STK32B: variants seen among roughly 807,000 people sequenced by gnomAD.
The protein encoded by STK32B is serine/threonine kinase 32B.
In STK32B, 43 loss-of-function variants were observed where a neutral mutation model predicts 52.6. The ratio of observed to expected loss-of-function variants is 0.82; its 90% confidence interval spans 0.64 to 1.05. The LOEUF is 1.05. Among genes scored for constraint, STK32B ranks in the 50% least tolerant of loss-of-function variants. The pLI, the probability that STK32B is intolerant of heterozygous loss-of-function variation, is 0.00. For synonymous variants in STK32B, 238 were observed against 204.3 expected (o/e 1.17, Z -1.41); for missense variants, 621 against 534.6 (o/e 1.16, Z -1.59).
At chr4:5,325,343 C>A (rs1199489804) in intron 3 of STK32B, among the ~76,000 whole-genome samples, 4 of 151,676 alleles carry the variant, frequency 2.6e-5, no homozygotes, top group Non-Finnish European at 5.9e-5. Context: ...TTTTTTTCCA[C>A]ATCAGCTCTG....
At chr4:5,162,570 A>G (rs574330042) in intron 2 of STK32B, among the ~76,000 whole-genome samples, 84 of 152,288 alleles carry the variant, frequency 5.5e-4, no homozygotes, top group African/African-American at 2.0e-3. Context: ...GCTAGCTAGC[A>G]TTTATTTATT....
the STK32B span, among the ~76,000 whole-genome samples, chr4:5,022,848 A>G: frequency 6.6e-6 from 1 of 152,124 alleles, no homozygotes; most frequent in Non-Finnish European, 1.5e-5. Flanking sequence ...CTCGGAGGAG[A>G]TTGATGAGGG....
intron 3 of STK32B, among the ~76,000 whole-genome samples, chr4:5,175,828 C>T (rs1041822990): frequency 1.3e-5 from 2 of 152,252 alleles, no homozygotes; most frequent in African/African-American, 4.8e-5. Flanking sequence ...CTGTTCAAAG[C>T]TGTCAGACAG....
intron 3 of STK32B, among the ~76,000 whole-genome samples, chr4:5,168,723 G>A (rs759998270): frequency 6.1e-4 from 93 of 152,324 alleles, no homozygotes; most frequent in African/African-American, 7.5e-4. Context: ...TACGTGGAAC[G>A]TTATAAGAGA....
At chr4:5,336,662 T>C (rs987183621) in intron 4 of STK32B, among the ~76,000 whole-genome samples, 1 of 152,184 alleles carries the variant, frequency 6.6e-6, no homozygotes, top group Admixed American at 6.5e-5. Context: ...AAAGTCTTTA[T>C]ACTTTTCTGT....
chr4:5,174,125 C>G (rs1006700927), intron 3 of STK32B, among the ~76,000 whole-genome samples: 1 of 152,054 alleles, frequency 6.6e-6, no homozygotes, highest in South Asian at 2.1e-4. Flanking sequence ...GATTGCAACC[C>G]CTGCCTTTTT....
At chr4:5,352,204 A>G (rs537871629) in intron 4 of STK32B, among the ~76,000 whole-genome samples, 2 of 152,280 alleles carry the variant, frequency 1.3e-5, no homozygotes, top group South Asian at 2.1e-4. Context: ...TCAAGAAAAT[A>G]CTTGCAAACC....
At chr4:5,493,311 G>A (rs1210263042) in intron 11 of STK32B, among the ~76,000 whole-genome samples, 1 of 152,012 alleles carries the variant, frequency 6.6e-6, no homozygotes, top group Non-Finnish European at 1.5e-5. Context: ...GTCTTGGGAG[G>A]GTGTATGTGT....
chr4:5,093,943 G>A (rs1251257337), intron 1 of STK32B, among the ~76,000 whole-genome samples: 1 of 152,190 alleles, frequency 6.6e-6, no homozygotes, highest in South Asian at 2.1e-4. Context: ...AAGTTGAATT[G>A]CTTGATATAT....
At chr4:5,312,882 G>GT (rs1730400742) in intron 3 of STK32B, among the ~76,000 whole-genome samples, 1 of 151,974 alleles carries the variant, frequency 6.6e-6, no homozygotes, top group South Asian at 2.1e-4. Flanking sequence ...ACAATGGATG[G>GT]TTGAACTAGT....
At chr4:5,330,055 C>T (rs985008957) in intron 3 of STK32B, among the ~76,000 whole-genome samples, 2 of 152,166 alleles carry the variant, frequency 1.3e-5, no homozygotes, top group African/African-American at 4.8e-5. Flanking sequence ...CAGGACACTG[C>T]AGCGAGTGAG....
chr4:5,364,096 C>CT (rs1366864640), intron 4 of STK32B, among the ~76,000 whole-genome samples: 1 of 151,134 alleles, frequency 6.6e-6, no homozygotes, highest in African/African-American at 2.5e-5. Context: ...ACTGACCCCC[C>CT]CCACTGTCCA....
the STK32B span, among the ~76,000 whole-genome samples, chr4:5,027,559 A>G: frequency 6.6e-6 from 1 of 152,206 alleles, no homozygotes; most frequent in Non-Finnish European, 1.5e-5. Context: ...TCCTCCTTTG[A>G]TGTGGGGTTT....
chr4:5,102,986 C>T (rs1713909956), intron 1 of STK32B, among the ~76,000 whole-genome samples: 1 of 143,390 alleles, frequency 7.0e-6, no homozygotes, highest in African/African-American at 2.6e-5. Context: ...TTCTTTCTTC[C>T]CACCAGCATC....
At chr4:5,377,161 G>C (rs1176290578) in intron 4 of STK32B, among the ~76,000 whole-genome samples, 1 of 152,128 alleles carries the variant, frequency 6.6e-6, no homozygotes, top group Non-Finnish European at 1.5e-5. Flanking sequence ...ACTTTTATAT[G>C]GTATGGTGCG....
intron 2 of STK32B, among the ~76,000 whole-genome samples, chr4:5,143,233 C>T (rs1474252130): frequency 1.3e-5 from 2 of 152,136 alleles, no homozygotes; most frequent in African/African-American, 4.8e-5. Context: ...TGTGCAGGCT[C>T]CAGCCCAGGT....
chr4:5,051,953 G>A (rs1560126801), intron 1 of STK32B, 38 bp downstream of exon 1: 1 of 1,559,282 alleles, frequency 6.4e-7, no homozygotes, highest in Admixed American at 1.9e-5. Context: ...GCTTCGCGGG[G>A]CATCCCCTTC....
intron 3 of STK32B, among the ~76,000 whole-genome samples, chr4:5,278,766 A>G (rs1389103322): frequency 6.6e-6 from 1 of 152,180 alleles, no homozygotes; most frequent in Non-Finnish European, 1.5e-5. Flanking sequence ...CAGGCTGTAC[A>G]GGAAGCATGG....
chr4:5,027,330 C>T, the STK32B span, among the ~76,000 whole-genome samples: 1 of 152,206 alleles, frequency 6.6e-6, no homozygotes, highest in South Asian at 2.1e-4. Context: ...CATAAGCCCC[C>T]AAAACATGGA....
Sources: allele counts gnomAD v4.1 joint callset (sites outside exome capture counted in the v4.1 genomes callset), GRCh38; gene constraint gnomAD v4.1.1; transcripts MANE v1.5; gene names NCBI Gene and HGNC (gene_info 2026-07-23, HGNC 2026-07-21).